Variants in GLO1 observed in about 807,000 individuals in gnomAD.
GLO1 encodes glyoxalase I.
Under a neutral mutation model 26.0 loss-of-function variants are expected in GLO1, and 28 were observed. The ratio of observed to expected loss-of-function variants is 1.08; its 90% CI spans 0.80 to 1.48. GLO1 has a LOEUF of 1.48. GLO1 is among the 40% of genes most tolerant of loss of function. The pLI, the probability that GLO1 is intolerant of heterozygous loss-of-function variation, is 0.00. For synonymous variants in GLO1, 78 were observed against 77.6 expected (o/e 1.00, Z -0.03); for missense variants, 225 against 224.8 (o/e 1.00, Z -0.01).
At chr6:38,678,947 C>G (rs1031863347) in intron 5 of GLO1, among the ~76,000 whole-genome samples, 1 of 152,172 alleles carries the variant, frequency 6.6e-6, no homozygotes, top group African/African-American at 2.4e-5. Flanking sequence ...GGACAGGGAT[C>G]TGGCCATTCT....
chr6:38,699,658 C>T (rs1219465505), intron 1 of GLO1, among the ~76,000 whole-genome samples: 3 of 152,136 alleles, frequency 2.0e-5, no homozygotes, highest in African/African-American at 7.2e-5. Flanking sequence ...CTGGGAATGT[C>T]TGTCTTATGA....
At chr6:38,684,636 T>G (rs910018510) in intron 2 of GLO1, 122 bp from the exon 3 acceptor site, 1 of 474,100 alleles carries the variant, frequency 2.1e-6, no homozygotes, top group Non-Finnish European at 3.4e-6. Context: ...GTAAGCCTAT[T>G]TTAATGGAAT....
At chr6:38,690,296 A>G (rs1761512241) in intron 1 of GLO1, among the ~76,000 whole-genome samples, 1 of 152,222 alleles carries the variant, frequency 6.6e-6, no homozygotes, top group Admixed American at 6.5e-5. Context: ...TACTGCTGAG[A>G]AAGTAAGTGG....
At chr6:38,691,309 A>G (rs1761527442) in intron 1 of GLO1, among the ~76,000 whole-genome samples, 1 of 151,378 alleles carries the variant, frequency 6.6e-6, no homozygotes, top group Non-Finnish European at 1.5e-5. Context: ...TACTGTAAGA[A>G]AACTTTTTTT....
intron 1 of GLO1, among the ~76,000 whole-genome samples, chr6:38,692,220 T>C (rs1761541367): frequency 6.6e-6 from 1 of 152,216 alleles, no homozygotes; most frequent in African/African-American, 2.4e-5. Context: ...ACTTTTTGCA[T>C]CGCCATTGCT....
At chr6:38,691,306 A>G (rs1474914749) in intron 1 of GLO1, among the ~76,000 whole-genome samples, 3 of 151,466 alleles carry the variant, frequency 2.0e-5, no homozygotes, top group African/African-American at 7.3e-5. Context: ...AACTACTGTA[A>G]GAAAACTTTT....
At chr6:38,686,533 T>C (rs1311345140) in intron 2 of GLO1, among the ~76,000 whole-genome samples, 1 of 152,134 alleles carries the variant, frequency 6.6e-6, no homozygotes, top group Non-Finnish European at 1.5e-5. Context: ...AACCCATTGG[T>C]TTTCTGAGTA....
At chr6:38,697,109 T>C (rs1340894796) in intron 1 of GLO1, among the ~76,000 whole-genome samples, 1 of 152,116 alleles carries the variant, frequency 6.6e-6, no homozygotes, top group Non-Finnish European at 1.5e-5. Context: ...GACACAGGGT[T>C]TCACCATGTT....
At chr6:38,680,397 T>C (rs1029728662) in intron 5 of GLO1, among the ~76,000 whole-genome samples, 7 of 152,150 alleles carry the variant, frequency 4.6e-5, no homozygotes, top group African/African-American at 1.7e-4. Context: ...GGTGCATGCC[T>C]GTAATCCCAG....
intron 5 of GLO1, among the ~76,000 whole-genome samples, chr6:38,677,777 C>T (rs1432737409): frequency 1.3e-5 from 2 of 152,094 alleles, no homozygotes; most frequent in African/African-American, 2.4e-5. Flanking sequence ...ATTTTGTTTA[C>T]AGTTTTAAAT....
chr6:38,678,777 C>T (rs149692150), intron 5 of GLO1, among the ~76,000 whole-genome samples: 2 of 152,316 alleles, frequency 1.3e-5, no homozygotes, highest in African/African-American at 4.8e-5. Context: ...TCGGAAGTGT[C>T]TCCTACTAAT....
chr6:38,683,084 A>G, intron 3 of GLO1: 1 of 522,280 alleles, frequency 1.9e-6, no homozygotes, highest in South Asian at 3.1e-5. Context: ...AAATACAGGT[A>G]CTGGACAAGA....
intron 1 of GLO1, among the ~76,000 whole-genome samples, chr6:38,688,325 C>A (rs1761483962): frequency 6.6e-6 from 1 of 152,056 alleles, no homozygotes; most frequent in African/African-American, 2.4e-5. Context: ...TCTGCACATC[C>A]AAGTGCTGGC....
chr6:38,691,716 T>C (rs1761534127), intron 1 of GLO1, among the ~76,000 whole-genome samples: 1 of 151,632 alleles, frequency 6.6e-6, no homozygotes, highest in African/African-American at 2.4e-5. Context: ...ACCAAAGGAT[T>C]AAGGCCCCTT....
intron 5 of GLO1, among the ~76,000 whole-genome samples, chr6:38,678,212 T>C (rs746239214): frequency 6.6e-6 from 1 of 152,162 alleles, no homozygotes; most frequent in African/African-American, 2.4e-5. Flanking sequence ...AGAAATTTAT[T>C]TGGGGACCAT....
chr6:38,686,929 T>A lies in GLO1; in HGVS notation c.130A>T (p.Lys44Ter). 2 of 1,606,512 alleles carry A rather than the reference T, an allele frequency of 1.2e-6. No individual in the cohort carries two copies. Among genetic ancestry groups the A allele is most frequent in the Non-Finnish European group, 1.7e-6 (2 of 1,173,214 alleles). The change falls in exon 2 of 6, where the codon AAG becomes TAG. Residue 44 changes from lysine (K) to a stop codon, truncating the protein, a stop_gained. Coordinates refer to ENST00000373365, the MANE Select transcript of GLO1 (RefSeq NM_006708.3). LOFTEE classifies it high-confidence loss of function. ...QTMLRVKDPK[K>*]SLDFYTRVLG... Reference sequence around the variant, plus strand: ...ACTCTAGTATAAAAATCCAGTGACTTCTTAGGATCCTTCACTCGTAGCATG... The same window carrying A: ...ACTCTAGTATAAAAATCCAGTGACTACTTAGGATCCTTCACTCGTAGCATG...
Position 38,703,024 on chromosome 6 carries a change from G to A in GLO1, c.31C>T (p.Leu11Phe), listed in dbSNP as rs1365714011. ...CAACTGAGGGCGGCCTCGTCCGTGAGGCCGCCGGACGGGGGCTGCGGTTCT... is the reference window on the plus strand; with the variant it reads ...CAACTGAGGGCGGCCTCGTCCGTGAAGCCGCCGGACGGGGGCTGCGGTTCT... Reference protein sequence around the residue: MAEPQPPSGGLTDEAALSCCS... With the variant: MAEPQPPSGGFTDEAALSCCS... Residue 11 changes from leucine (L) to phenylalanine (F), a missense_variant, in exon 1 of 6, where the codon CTC (leucine) becomes TTC (phenylalanine). Coordinates refer to ENST00000373365, the MANE Select transcript of GLO1 (RefSeq NM_006708.3). 4.4e-6 allele frequency: 7 copies of A among 1,594,460 alleles called. No individual in the cohort carries two copies. In the East Asian group the frequency reaches 1.6e-4, roughly 36 times the overall value.
chr6:38,679,516 C>T (rs1442131206), intron 5 of GLO1, among the ~76,000 whole-genome samples: 7 of 152,078 alleles, frequency 4.6e-5, no homozygotes, highest in Admixed American at 4.6e-4. Flanking sequence ...TAATGACCGG[C>T]CGGGTGTGGT....
chr6:38,700,032 C>A (rs1761674647), intron 1 of GLO1, among the ~76,000 whole-genome samples: 1 of 152,038 alleles, frequency 6.6e-6, no homozygotes, highest in South Asian at 2.1e-4. Context: ...CCTTTTGAAA[C>A]CCTTAATAAA....
Sources: allele counts gnomAD v4.1 joint callset (sites outside exome capture counted in the v4.1 genomes callset), GRCh38; gene constraint gnomAD v4.1.1; transcripts MANE v1.5; gene names NCBI Gene and HGNC (gene_info 2026-07-23, HGNC 2026-07-21).